TBC1D4: variants seen among roughly 807,000 people sequenced by gnomAD.
TBC1D4 encodes TBC1 domain family member 4, also known as TBC (Tre-2, BUB2, CDC16) domain-containing protein.
In TBC1D4, 121 loss-of-function variants were observed where a neutral mutation model predicts 142.5. The observed-to-expected ratio is 0.85, with a 90% confidence interval of 0.73 to 0.99. TBC1D4 has a LOEUF of 0.99. Ranked by LOEUF, TBC1D4 falls within the 50% of genes least tolerant of loss-of-function variation. The pLI is 0.00. For missense variants in TBC1D4, 1,475 were observed against 1,606.6 expected (o/e 0.92, Z 1.40); for synonymous variants, 630 against 628.2 (o/e 1.00, Z -0.04).
chr13:75,329,703 A>G (rs1879585842), intron 8 of TBC1D4, among the ~76,000 whole-genome samples: 1 of 152,144 alleles, frequency 6.6e-6, no homozygotes, highest in Non-Finnish European at 1.5e-5. Context: ...GGAGAGTGGG[A>G]ACTAAATTTT....
intron 1 of TBC1D4, among the ~76,000 whole-genome samples, chr13:75,425,080 T>A (rs1886324691): frequency 6.6e-6 from 1 of 151,866 alleles, no homozygotes; most frequent in South Asian, 2.1e-4. Flanking sequence ...GGAGAAAATA[T>A]ATGTATGCAA....
intron 15 of TBC1D4, 44 bp downstream of exon 15, chr13:75,306,269 G>A: frequency 1.3e-6 from 2 of 1,520,140 alleles, no homozygotes; most frequent in Admixed American, 2.0e-5. Context: ...AATCCCCCAG[G>A]CTTTTCTTTA....
intron 1 of TBC1D4, among the ~76,000 whole-genome samples, chr13:75,410,058 G>A (rs1885556925): frequency 2.0e-5 from 3 of 152,250 alleles, no homozygotes; most frequent in South Asian, 2.1e-4. Context: ...TGCCTGCCTT[G>A]TATAAACAAA....
rs182087592 is a variant in TBC1D4 at position 75,315,487 on chromosome 13, T to C, written c.2223-2589A>G. Among the ~76,000 whole-genome samples, 577 of 151,520 alleles carry C rather than the reference T, an allele frequency of 3.8e-3. 5 individuals carry two copies. The highest frequency in any genetic ancestry group is 6.0e-3 in the Non-Finnish European group (408 of 67,856). ...GAAAACATTAATGCAAGTATTTCCC[T>C]TTTAAAAATATGATTCAAATGTTCT... is the stretch of plus-strand genomic sequence containing the variant. On this transcript the variant is annotated intron_variant, in intron 12 of 20. Transcript: ENST00000377636.
intron 1 of TBC1D4, among the ~76,000 whole-genome samples, chr13:75,425,572 T>C (rs954872681): frequency 1.3e-5 from 2 of 152,188 alleles, no homozygotes; most frequent in Non-Finnish European, 2.9e-5. Context: ...AATGTAAGTG[T>C]CCACCAACAG....
chr13:75,302,616 GATA>G (rs1876695670), intron 15 of TBC1D4: 1 of 600,582 alleles, frequency 1.7e-6, no homozygotes, highest in East Asian at 2.8e-5. Flanking sequence ...CAACACTTAC[GATA>G]ATGACAATAT....
At chr13:75,390,603 T>A (rs1884421486) in intron 1 of TBC1D4, among the ~76,000 whole-genome samples, 2 of 152,048 alleles carry the variant, frequency 1.3e-5, no homozygotes, top group African/African-American at 4.8e-5. Flanking sequence ...GGAACTGGAA[T>A]CTAACGCTCT....
chr13:75,452,960 A>C (rs1173440006), intron 1 of TBC1D4, among the ~76,000 whole-genome samples: 1 of 152,182 alleles, frequency 6.6e-6, no homozygotes, highest in African/African-American at 2.4e-5. Flanking sequence ...ATACAGGTTT[A>C]ATAAACCCAT....
chr13:75,372,395 G>A (rs1032312554), intron 1 of TBC1D4, among the ~76,000 whole-genome samples: 6 of 151,778 alleles, frequency 4.0e-5, no homozygotes, highest in Admixed American at 6.6e-5. Flanking sequence ...TCAGCCTCCT[G>A]AGTAGCTGGA....
intron 18 of TBC1D4, among the ~76,000 whole-genome samples, chr13:75,293,191 A>G (rs1031939405): frequency 1.3e-5 from 2 of 152,178 alleles, no homozygotes; most frequent in African/African-American, 2.4e-5. Context: ...AGTATCAAGT[A>G]CTTAGTACTT....
chr13:75,293,749 C>T (rs1875584291), intron 18 of TBC1D4, among the ~76,000 whole-genome samples: 1 of 151,964 alleles, frequency 6.6e-6, no homozygotes, highest in South Asian at 2.1e-4. Flanking sequence ...AAACCACAGC[C>T]CTCAATAAGA....
intron 1 of TBC1D4, among the ~76,000 whole-genome samples, chr13:75,423,458 A>G (rs1384151375): frequency 2.6e-5 from 4 of 152,114 alleles, no homozygotes; most frequent in Non-Finnish European, 5.9e-5. Flanking sequence ...ATTAAAATTT[A>G]TTTTAAGAAA....
At chr13:75,434,803 A>G (rs1211598998) in intron 1 of TBC1D4, among the ~76,000 whole-genome samples, 1 of 151,790 alleles carries the variant, frequency 6.6e-6, no homozygotes, top group Non-Finnish European at 1.5e-5. Flanking sequence ...AGATCTAAAA[A>G]CTGTTGCTTT....
At chr13:75,395,915 C>G (rs1313118935) in intron 1 of TBC1D4, among the ~76,000 whole-genome samples, 1 of 152,138 alleles carries the variant, frequency 6.6e-6, no homozygotes, top group Non-Finnish European at 1.5e-5. Context: ...AGTTGTTGTG[C>G]CCCTCCCATT....
rs1882889408 is a variant in TBC1D4 at position 75,366,064 on chromosome 13, C to T, written c.499-3457G>A. ...TCTAAATGTTATAGAGCACCTCAAGCTACACACCCTAGCTACATATTGTAG... is the reference window on the plus strand; with the variant it reads ...TCTAAATGTTATAGAGCACCTCAAGTTACACACCCTAGCTACATATTGTAG... On this transcript the variant is annotated intron_variant, in intron 1 of 20. Transcript: ENST00000377636. 1.3e-5 allele frequency among the ~76,000 whole-genome samples: 2 copies of T among 152,182 alleles called. 1 individual carries two copies. Among genetic ancestry groups the T allele is most frequent in the South Asian group, 4.1e-4 (2 of 4,832 alleles).
chr13:75,410,070 T>G (rs1035565286), intron 1 of TBC1D4, among the ~76,000 whole-genome samples: 1 of 152,302 alleles, frequency 6.6e-6, no homozygotes, highest in Admixed American at 6.5e-5. Context: ...ATAAACAAAA[T>G]AACAGCACTC....
intron 1 of TBC1D4, among the ~76,000 whole-genome samples, chr13:75,391,638 T>C (rs1884495992): frequency 6.6e-6 from 1 of 152,232 alleles, no homozygotes; most frequent in Non-Finnish European, 1.5e-5. Flanking sequence ...AGAACTCTAA[T>C]CCTTGGGGCT....
rs1880696819 is a variant in TBC1D4 at position 75,341,497 on chromosome 13, T to C, written c.1499A>G (p.Gln500Arg). The C allele has an allele frequency of 1.8e-5, 29 of 1,613,524 alleles. No homozygotes were observed. The highest frequency in any genetic ancestry group is 2.5e-5 in the Non-Finnish European group (29 of 1,179,598). The change falls in exon 6 of 21, where the codon CAG (glutamine) becomes CGG (arginine). Residue 500 changes from glutamine (Q) to arginine (R), a missense_variant and splice_region_variant. Transcript: ENST00000377636. ...TATGAGACCTACAAATAATGTTACC[T>C]GAACTCTTTCAAAGATGTCAGCTTG... Reference protein sequence around the residue: ...NEQADIFERVQKMKPVSDQEE... With the variant: ...NEQADIFERVRKMKPVSDQEE...
intron 1 of TBC1D4, among the ~76,000 whole-genome samples, chr13:75,476,104 G>A (rs946261825): frequency 2.0e-5 from 3 of 152,190 alleles, no homozygotes; most frequent in South Asian, 2.1e-4. Flanking sequence ...TTAGCTGGGC[G>A]TGGTGGTGCA....
Sources: gnomAD v4.1 joint callset for allele counts (sites outside exome capture counted in the v4.1 genomes callset) on GRCh38, gnomAD v4.1.1 for gene constraint, MANE v1.5 for transcripts, NCBI Gene and HGNC (gene_info 2026-07-23, HGNC 2026-07-21) for gene names.